The following GRXCR1 variants were observed in gnomAD, a reference collection of about 807,000 sequenced individuals.
GRXCR1 encodes glutaredoxin and cysteine rich domain containing 1.
GRXCR1 carries 27 observed loss-of-function variants against 27.3 expected under a neutral mutation model. The ratio of observed to expected loss-of-function variants is 0.99; its 90% CI spans 0.73 to 1.37. The LOEUF (loss-of-function observed/expected upper bound fraction) is 1.37. GRXCR1 is among the 40% of genes most tolerant of loss of function. The pLI is 0.00. For missense variants in GRXCR1, 379 were observed against 354.4 expected, an observed-to-expected ratio of 1.07 and a Z score of -0.56; for synonymous variants, 122 against 131.1, an observed-to-expected ratio of 0.93 and a Z score of 0.47.
intron 2 of GRXCR1, among the ~76,000 whole-genome samples, chr4:43,012,877 A>T (rs932929715): frequency 6.6e-6 from 1 of 152,192 alleles, no homozygotes; most frequent in African/African-American, 2.4e-5. Context: ...CCCGTTAAAA[A>T]TGTGCGAAAG....
intron 2 of GRXCR1, among the ~76,000 whole-genome samples, chr4:42,974,265 A>G (rs1340062870): frequency 1.3e-5 from 2 of 152,050 alleles, no homozygotes; most frequent in Non-Finnish European, 2.9e-5. Flanking sequence ...AAAATGTGGA[A>G]ACTGCATTCT....
chr4:42,942,739 A>G (rs1479218365), intron 1 of GRXCR1, among the ~76,000 whole-genome samples: 1 of 152,126 alleles, frequency 6.6e-6, no homozygotes, highest in Non-Finnish European at 1.5e-5. Flanking sequence ...CACATTTTGT[A>G]AAAGCATCTT....
chr4:42,979,603 A>T (rs1309429654), intron 2 of GRXCR1, among the ~76,000 whole-genome samples: 1 of 151,786 alleles, frequency 6.6e-6, no homozygotes, highest in Non-Finnish European at 1.5e-5. Flanking sequence ...CCTATAGTTT[A>T]TTTATTTATT....
chr4:42,967,306 T>G (rs2109777436), intron 2 of GRXCR1, among the ~76,000 whole-genome samples: 1 of 152,262 alleles, frequency 6.6e-6, no homozygotes, highest in South Asian at 2.1e-4. Context: ...AAGACTATCT[T>G]TTCTTTATTG....
At position 42,937,105 on chromosome 4, in the gene GRXCR1, G is replaced by T. The variant is rs373854507; in HGVS notation, c.385-25787G>T. Among the ~76,000 whole-genome samples the T allele has an allele frequency of 4.6e-4, 70 of 151,910 alleles. 2 individuals are homozygous for T. In the South Asian group the frequency reaches 0.011, roughly 23 times the overall value. On this transcript the variant is annotated intron_variant, in intron 1 of 3. Transcript: ENST00000399770. ...TTCCTCTCATGGAAGATTTGGCTTA[G>T]TCCTTATTTATTTATTCAATCATTT...
At chr4:42,901,366 T>C (rs949247388) in intron 1 of GRXCR1, among the ~76,000 whole-genome samples, 2 of 152,182 alleles carry the variant, frequency 1.3e-5, no homozygotes, top group African/African-American at 2.4e-5. Flanking sequence ...GTTTTGGCAG[T>C]GCTGCTTCCT....
intron 3 of GRXCR1, among the ~76,000 whole-genome samples, chr4:43,021,547 A>C (rs1483512389): frequency 6.6e-6 from 1 of 152,206 alleles, no homozygotes; most frequent in Non-Finnish European, 1.5e-5. Context: ...ACATTTATTA[A>C]GTATCTACTG....
intron 1 of GRXCR1, among the ~76,000 whole-genome samples, chr4:42,939,112 T>C (rs1456048329): frequency 6.6e-6 from 1 of 152,092 alleles, no homozygotes. Context: ...ATTTTAACAA[T>C]GTTGATTCTT....
At chr4:42,988,820 GT>G (rs1047496648) in intron 2 of GRXCR1, among the ~76,000 whole-genome samples, 6 of 152,094 alleles carry the variant, frequency 3.9e-5, no homozygotes, top group East Asian at 1.9e-4. Flanking sequence ...ATGCAATATA[GT>G]TTTTTTCAGA....
rs185179819 is a variant in GRXCR1 at position 42,941,923 on chromosome 4, G to C, written c.385-20969G>C. ...CTCTTTAAAAAAAATAATATAGAAA[G>C]GTCAATTTAGGAAACTATCAAGAAA... On this transcript the variant is annotated intron_variant, in intron 1 of 3. Transcript: ENST00000399770. 1.8e-4 allele frequency among the ~76,000 whole-genome samples: 28 copies of C among 151,942 alleles called. No homozygotes were observed. The East Asian group carries it at 5.4e-3, about 29-fold the overall frequency.
chr4:42,958,221 CTTTCT>C (rs1748051854), intron 1 of GRXCR1, among the ~76,000 whole-genome samples: 1 of 151,994 alleles, frequency 6.6e-6, no homozygotes, highest in Admixed American at 6.6e-5. Flanking sequence ...TGGCTGAATT[CTTTCT>C]TTTAAGTTAA....
chr4:42,898,261 A>T (rs556167055), intron 1 of GRXCR1, among the ~76,000 whole-genome samples: 2,417 of 152,070 alleles, frequency 0.016, 32 homozygotes, highest in Non-Finnish European at 0.025. Flanking sequence ...ATCTTCATCT[A>T]GAAAGGTTTT....
rs545249154 is a variant in GRXCR1, at chr4:42,999,277, T to C, written c.628-21077T>C. On this transcript the variant is annotated intron_variant, in intron 2 of 3. Coordinates refer to ENST00000399770, the MANE Select transcript of GRXCR1 (RefSeq NM_001080476.3). ...CTCTGCACATCATACCTACAAAGCA[T>C]GTGTGTATAGAATTTACTCAATGCT... Among the ~76,000 whole-genome samples the C allele has an allele frequency of 9.2e-5, 14 of 152,334 alleles. No homozygotes were observed. The South Asian group carries it at 2.5e-3, about 27-fold the overall frequency.
chr4:43,001,396 G>A (rs544184765), intron 2 of GRXCR1, among the ~76,000 whole-genome samples: 4 of 152,036 alleles, frequency 2.6e-5, no homozygotes, highest in African/African-American at 4.8e-5. Context: ...GGTCAAGCTC[G>A]CTCTCTTATT....
chr4:42,971,476 T>G (rs974710752), intron 2 of GRXCR1, among the ~76,000 whole-genome samples: 1 of 152,052 alleles, frequency 6.6e-6, no homozygotes, highest in Non-Finnish European at 1.5e-5. Context: ...GGAAGCATGG[T>G]TGGAAGACCT....
chr4:43,020,731 TTTTTCATTGAAACAAC>T (rs1713067801), intron 3 of GRXCR1, among the ~76,000 whole-genome samples: 2 of 152,278 alleles, frequency 1.3e-5, no homozygotes, highest in South Asian at 4.1e-4. Context: ...CACATTAAAA[TTTTTCATTGAAACAAC>T]TTTATTTTTC....
rs58984861 is a variant in GRXCR1 at position 42,975,595 on chromosome 4, G to A, written c.627+12461G>A. On this transcript the variant is annotated intron_variant, in intron 2 of 3. Coordinates refer to ENST00000399770, the MANE Select transcript of GRXCR1 (RefSeq NM_001080476.3). ...TTATCAGGCTGGAGGCAGTGATACCGGAGTCCACGGTCTTACTGGAAACTG... is the reference window on the plus strand; with the variant it reads ...TTATCAGGCTGGAGGCAGTGATACCAGAGTCCACGGTCTTACTGGAAACTG... Among the ~76,000 whole-genome samples, 453 of 152,164 alleles carry A rather than the reference G, an allele frequency of 3.0e-3. 2 individuals carry two copies. Among genetic ancestry groups the A allele is most frequent in the African/African-American group, 0.011 (437 of 41,528 alleles).
intron 1 of GRXCR1, among the ~76,000 whole-genome samples, chr4:42,918,827 A>G (rs1445468130): frequency 6.6e-6 from 1 of 152,126 alleles, no homozygotes; most frequent in East Asian, 1.9e-4. Context: ...TCCTGTAGAT[A>G]GAAGAGCTCC....
intron 1 of GRXCR1, among the ~76,000 whole-genome samples, chr4:42,961,375 A>G (rs1168691392): frequency 6.6e-6 from 1 of 151,966 alleles, no homozygotes; most frequent in Non-Finnish European, 1.5e-5. Context: ...ATTGGTCCAC[A>G]TGATCTTTAA....
Sources: allele counts gnomAD v4.1 joint callset (sites outside exome capture counted in the v4.1 genomes callset), GRCh38; gene constraint gnomAD v4.1.1; transcripts MANE v1.5; gene names NCBI Gene and HGNC (gene_info 2026-07-23, HGNC 2026-07-21).